PRKG1: variants seen among roughly 807,000 people sequenced by gnomAD.
PRKG1 encodes the protein cGMP-dependent protein kinase 1.
Under a neutral mutation model 88.1 loss-of-function variants are expected in PRKG1, and 35 were observed. The ratio of observed to expected loss-of-function variants is 0.40; its 90% CI spans 0.30 to 0.53. The LOEUF is 0.53. Ranked by LOEUF, PRKG1 falls within the 20% of genes least tolerant of loss-of-function variation. The pLI, the probability that PRKG1 is intolerant of heterozygous loss-of-function variation, is 0.59. For missense variants in PRKG1, 540 were observed against 839.8 expected (o/e 0.64, Z 4.41); for synonymous variants, 303 against 292.5 (o/e 1.04, Z -0.37).
intron 9 of PRKG1, among the ~76,000 whole-genome samples, chr10:52,207,377 T>A (rs1262906660): frequency 1.3e-5 from 2 of 151,996 alleles, no homozygotes; most frequent in Non-Finnish European, 2.9e-5. Context: ...CAAGGCTACA[T>A]TAAAAGTGGG....
In PRKG1 at chr10:51,596,531, CT is replaced by C. The variant is rs1173131850; in HGVS notation, c.592+128702del. Among the ~76,000 whole-genome samples the C allele has an allele frequency of 2.0e-5, 3 of 152,182 alleles. No individual in the cohort carries two copies. The East Asian group carries it at 5.8e-4, about 29-fold the overall frequency. ...AAGAAAGATGTTAAATTCTGCCTCC[CT>C]TTTTTTCCTCTTCCTCAAACAGCTC... On this transcript the variant is annotated intron_variant, in intron 3 of 17. Transcript: ENST00000373980.
chr10:51,701,151 C>T (rs1321907064), intron 3 of PRKG1, among the ~76,000 whole-genome samples: 1 of 151,986 alleles, frequency 6.6e-6, no homozygotes, highest in African/African-American at 2.4e-5. Flanking sequence ...TTAAATGTGG[C>T]TATTAGAAAA....
intron 3 of PRKG1, among the ~76,000 whole-genome samples, chr10:51,490,477 C>T (rs990584270): frequency 6.6e-6 from 1 of 152,096 alleles, no homozygotes; most frequent in Non-Finnish European, 1.5e-5. Context: ...ATCTATTGAA[C>T]TCTCTTATGC....
intron 9 of PRKG1, among the ~76,000 whole-genome samples, chr10:52,181,674 A>C (rs1839035523): frequency 1.1e-5 from 1 of 88,722 alleles, no homozygotes; most frequent in Non-Finnish European, 2.2e-5. Flanking sequence ...ATGAGTGAGA[A>C]TATGCGGTGT....
At chr10:51,069,799 A>T (rs1193019691), upstream of PRKG1, among the ~76,000 whole-genome samples, 1 of 151,890 alleles carries the variant, frequency 6.6e-6, no homozygotes, top group Non-Finnish European at 1.5e-5. Context: ...AGGGTGACCA[A>T]CTCTCCTGGT....
At chr10:51,182,933 C>A (rs1487432950) in intron 2 of PRKG1, among the ~76,000 whole-genome samples, 1 of 151,948 alleles carries the variant, frequency 6.6e-6, no homozygotes, top group African/African-American at 2.4e-5. Flanking sequence ...GAACCTAGGC[C>A]CAATTTCAGT....
chr10:51,826,723 C>T (rs1839890371), intron 4 of PRKG1, among the ~76,000 whole-genome samples: 1 of 152,110 alleles, frequency 6.6e-6, no homozygotes, highest in East Asian at 1.9e-4. Context: ...TTCTCATTCC[C>T]AGGTAAAGAA....
At chr10:51,631,209 C>CT (rs1232462795) in intron 3 of PRKG1, among the ~76,000 whole-genome samples, 1 of 152,182 alleles carries the variant, frequency 6.6e-6, no homozygotes, top group African/African-American at 2.4e-5. Flanking sequence ...ATCATTGGGT[C>CT]TTTCCCCCTC....
At chr10:51,658,842 G>A (rs960993626) in intron 3 of PRKG1, among the ~76,000 whole-genome samples, 6 of 151,792 alleles carry the variant, frequency 4.0e-5, no homozygotes, top group Non-Finnish European at 8.8e-5. Context: ...TCTTTCCCAG[G>A]ACACATTTAT....
intron 3 of PRKG1, among the ~76,000 whole-genome samples, chr10:51,539,123 A>G (rs1842236721): frequency 6.6e-6 from 1 of 152,096 alleles, no homozygotes; most frequent in Non-Finnish European, 1.5e-5. Flanking sequence ...CTGAAAAATA[A>G]TTGTGCATTG....
At chr10:51,604,557 G>A (rs1838705816) in intron 3 of PRKG1, among the ~76,000 whole-genome samples, 1 of 152,196 alleles carries the variant, frequency 6.6e-6, no homozygotes, top group African/African-American at 2.4e-5. Context: ...AAGGAAAGTG[G>A]ATGCAATGTA....
chr10:52,109,747 A>C (rs530078619), intron 7 of PRKG1, among the ~76,000 whole-genome samples: 10 of 151,158 alleles, frequency 6.6e-5, no homozygotes, highest in Non-Finnish European at 1.3e-4. Context: ...TGGGTGACAG[A>C]GCCAGACTCC....
intron 3 of PRKG1, among the ~76,000 whole-genome samples, chr10:51,716,484 T>G (rs978027664): frequency 3.3e-5 from 5 of 152,160 alleles, no homozygotes; most frequent in African/African-American, 1.2e-4. Flanking sequence ...TTTACAACAT[T>G]TTACTTAAAG....
chr10:52,253,947 T>C (rs1355083971), intron 10 of PRKG1, among the ~76,000 whole-genome samples: 14 of 151,978 alleles, frequency 9.2e-5, no homozygotes, highest in South Asian at 2.1e-4. Flanking sequence ...AGAATGCCTA[T>C]ATTGTCTTCA....
intron 3 of PRKG1, among the ~76,000 whole-genome samples, chr10:51,532,020 T>A (rs1035184700): frequency 2.6e-5 from 4 of 152,158 alleles, no homozygotes; most frequent in Non-Finnish European, 4.4e-5. Context: ...AATGTACTTT[T>A]ACAAAAACCA....
intron 7 of PRKG1, among the ~76,000 whole-genome samples, chr10:52,120,734 GTCTTT>G (rs1847801321): frequency 6.6e-6 from 1 of 152,158 alleles, no homozygotes; most frequent in African/African-American, 2.4e-5. Flanking sequence ...CCGCCCCTGT[GTCTTT>G]GCTGGCTTTA....
intron 3 of PRKG1, among the ~76,000 whole-genome samples, chr10:51,742,190 G>A (rs952559070): frequency 2.0e-5 from 3 of 152,136 alleles, no homozygotes; most frequent in African/African-American, 7.2e-5. Context: ...CTCAGAAGGT[G>A]TATTTTATTC....
chr10:51,007,073 G>A (rs1842949330), intron 1 of PRKG1, among the ~76,000 whole-genome samples: 1 of 151,688 alleles, frequency 6.6e-6, no homozygotes, highest in Non-Finnish European at 1.5e-5. Context: ...GGAGTAGCTG[G>A]GATTACAGGT....
intron 4 of PRKG1, among the ~76,000 whole-genome samples, chr10:51,895,148 C>T (rs959660783): frequency 1.3e-5 from 2 of 152,046 alleles, no homozygotes; most frequent in Non-Finnish European, 2.9e-5. Flanking sequence ...GGAGAGGTGT[C>T]GAAGAATTGA....
Sources: allele counts gnomAD v4.1 joint callset (sites outside exome capture counted in the v4.1 genomes callset), GRCh38; gene constraint gnomAD v4.1.1; transcripts MANE v1.5; gene names NCBI Gene and HGNC (gene_info 2026-07-23, HGNC 2026-07-21).